The following POLB variants were observed in gnomAD, a reference collection of about 807,000 sequenced individuals.
POLB encodes the protein DNA polymerase beta, also known as 5'-dRP lyase.
POLB carries 37 observed loss-of-function variants against 52.7 expected under a neutral mutation model. The observed-to-expected ratio is 0.70, with a 90% confidence interval of 0.54 to 0.92. The LOEUF (loss-of-function observed/expected upper bound fraction) is 0.92. POLB is among the 40% of genes least tolerant of loss of function. The pLI is 0.00. For missense variants in POLB, 313 were observed against 400.8 expected (o/e 0.78, Z 1.87); for synonymous variants, 138 against 131.3 (o/e 1.05, Z -0.35).
intron 13 of POLB, 48 bp from the exon 14 acceptor site, chr8:42,371,515 A>G: frequency 9.0e-7 from 1 of 1,111,778 alleles, no homozygotes; most frequent in Non-Finnish European, 1.3e-6. Context: ...TCTATAACTA[A>G]ACTATAAAAC....
chr8:42,349,317 G>C (rs578190402), intron 4 of POLB: 5 of 381,750 alleles, frequency 1.3e-5, no homozygotes, highest in African/African-American at 1.0e-4. Flanking sequence ...TTGGCTCATC[G>C]TTTTCAGTAC....
At chr8:42,368,731 C>T (rs1309725386) in intron 11 of POLB, among the ~76,000 whole-genome samples, 1 of 152,188 alleles carries the variant, frequency 6.6e-6, no homozygotes, top group Non-Finnish European at 1.5e-5. Flanking sequence ...TTTCTCCCTT[C>T]TAGTGTCTGA....
chr8:42,345,383 A>G (rs1208727782), intron 3 of POLB, among the ~76,000 whole-genome samples: 1 of 152,198 alleles, frequency 6.6e-6, no homozygotes, highest in Non-Finnish European at 1.5e-5. Context: ...CCCCAGGTGT[A>G]GGAACCTATG....
intron 9 of POLB, among the ~76,000 whole-genome samples, chr8:42,360,122 AT>A (rs35244690): frequency 5.8e-4 from 85 of 145,566 alleles, no homozygotes; most frequent in East Asian, 1.0e-3. Context: ...TAATTTTTGT[AT>A]TTTTTTTTTT....
chr8:42,344,134 C>CAAA (rs34085444), intron 2 of POLB, among the ~76,000 whole-genome samples: 1 of 59,030 alleles, frequency 1.7e-5, no homozygotes, highest in South Asian at 6.9e-4. Flanking sequence ...GACTCCGTCT[C>CAAA]AAAAAAAAAA....
At position 42,351,635 on chromosome 8, in the gene POLB, A is replaced by G. The variant is rs913606929; in HGVS notation, c.321-884A>G. Among the ~76,000 whole-genome samples the G allele has an allele frequency of 2.0e-5, 3 of 152,210 alleles. No individual in the cohort carries two copies. In the South Asian group the frequency reaches 6.2e-4, roughly 32 times the overall value. On this transcript the variant is annotated intron_variant, in intron 5 of 13. Transcript: ENST00000265421. ...ATGAAATAAGAGAGAAATTTGGTTA[A>G]TCAGTAAGCTTCCTTCTGTCCCCAT...
intron 11 of POLB, among the ~76,000 whole-genome samples, chr8:42,368,624 T>A (rs1824187176): frequency 6.6e-6 from 1 of 152,204 alleles, no homozygotes; most frequent in Admixed American, 6.5e-5. Flanking sequence ...GGATAACTTT[T>A]GTTTGGAAAT....
chr8:42,370,105 T>C, intron 13 of POLB, 117 bp downstream of exon 13: 1 of 807,394 alleles, frequency 1.2e-6, no homozygotes, highest in South Asian at 1.4e-5. Context: ...AGTTTCTTTG[T>C]ATTTTTAGTC....
chr8:42,347,474 C>G (rs917598717), intron 3 of POLB, among the ~76,000 whole-genome samples: 1 of 151,520 alleles, frequency 6.6e-6, no homozygotes, highest in Non-Finnish European at 1.5e-5. Context: ...TCTATTCCTT[C>G]TTAGTAACGG....
intron 11 of POLB, among the ~76,000 whole-genome samples, chr8:42,365,833 C>T (rs1006693892): frequency 1.3e-5 from 2 of 152,192 alleles, no homozygotes; most frequent in South Asian, 4.1e-4. Context: ...GGCATGGTGG[C>T]TCACGCCTGT....
rs200006937 is a variant in POLB at position 42,362,258 on chromosome 8, AAAAAT to A, written c.622-317_622-313del. Among the ~76,000 whole-genome samples, 216 of 93,296 alleles carry A rather than the reference AAAAAT, an allele frequency of 2.3e-3. 2 individuals are homozygous for A. The highest frequency in any genetic ancestry group is 5.0e-3 in the African/African-American group (44 of 8,776). 61.2% of individuals were successfully genotyped at this position (93,296 alleles called of 152,430 possible). ...CTGGCAACAGAACGAGACTCCATCT[AAAAAT>A]AAAATAAAATAAAATAAAATAAAAT... On this transcript the variant is annotated intron_variant, in intron 10 of 13. Transcript: ENST00000265421.
chr8:42,371,796 T>G lies in POLB; in HGVS notation c.*139T>G. ...TGCTTGCAATGTAGTCAATAAAACC[T>G]CATGTACTATTATTGGATGATGATG... is the stretch of plus-strand genomic sequence containing the variant. On this transcript the variant is annotated 3_prime_UTR_variant, in exon 14 of 14. Coordinates refer to ENST00000265421, the MANE Select transcript of POLB (RefSeq NM_002690.3). 1.7e-6 allele frequency: 1 copy of G among 599,456 alleles called. No individual in the cohort carries two copies. The highest frequency in any genetic ancestry group is 3.1e-6 in the Non-Finnish European group (1 of 323,906). 37.1% of individuals were successfully genotyped at this position (599,456 alleles called of 1,614,324 possible). A position where few individuals can be genotyped will look rare whatever the true frequency, so the allele number is the denominator to read the frequency against.
At chr8:42,368,952 G>A (rs1824206930) in intron 11 of POLB, 2 of 187,538 alleles carry the variant, frequency 1.1e-5, no homozygotes, top group African/African-American at 2.3e-5. Context: ...TTTCTTCCAC[G>A]TTGCTCTCTT....
chr8:42,343,345 A>AAATAT (rs1554531633), intron 2 of POLB, among the ~76,000 whole-genome samples: 1 of 33,066 alleles, frequency 3.0e-5, no homozygotes, highest in African/African-American at 5.9e-5. Flanking sequence ...AAAAAAAAAA[A>AAATAT]ATATATATAT....
At position 42,364,280 on chromosome 8, in the gene POLB, C is replaced by A. The variant is rs529436730; in HGVS notation, c.708+1582C>A. On this transcript the variant is annotated intron_variant, in intron 11 of 13. Coordinates refer to ENST00000265421, the MANE Select transcript of POLB (RefSeq NM_002690.3). ...TTTGAAACAGGGTCTTGCTCTGTCA[C>A]CCAGGCTGTAGTGCAGTGGCGAAAC... 3.9e-5 allele frequency among the ~76,000 whole-genome samples: 6 copies of A among 152,100 alleles called. No individual in the cohort carries two copies. The East Asian group carries it at 1.2e-3, about 29-fold the overall frequency.
intron 3 of POLB, among the ~76,000 whole-genome samples, chr8:42,347,042 G>C (rs1181575503): frequency 6.6e-6 from 1 of 151,944 alleles, no homozygotes; most frequent in Non-Finnish European, 1.5e-5. Flanking sequence ...CCTTTTTTAT[G>C]TTTATTGCAA....
At chr8:42,355,056 C>T (rs998167178) in intron 6 of POLB, among the ~76,000 whole-genome samples, 1 of 151,438 alleles carries the variant, frequency 6.6e-6, no homozygotes, top group Admixed American at 6.6e-5. Flanking sequence ...TGTTGTTTTT[C>T]GAGACGGGGT....
At chr8:42,358,041 A>C (rs1339742035) in intron 9 of POLB, 1 of 152,170 alleles carries the variant, frequency 6.6e-6, no homozygotes, top group Non-Finnish European at 1.5e-5. Flanking sequence ...GTTTTCTATA[A>C]GAGAGCTAAG....
chr8:42,359,426 C>G (rs1427976687), intron 9 of POLB, among the ~76,000 whole-genome samples: 2 of 151,918 alleles, frequency 1.3e-5, no homozygotes, highest in African/African-American at 4.8e-5. Context: ...GTGATCTCGG[C>G]TCACTGCAAC....
Sources: gnomAD v4.1 joint callset for allele counts (sites outside exome capture counted in the v4.1 genomes callset) on GRCh38, gnomAD v4.1.1 for gene constraint, MANE v1.5 for transcripts, NCBI Gene and HGNC (gene_info 2026-07-23, HGNC 2026-07-21) for gene names.